Variants in ATG7 observed in about 807,000 individuals in gnomAD.
ATG7 encodes the protein ubiquitin-like modifier-activating enzyme ATG7.
In ATG7, 70 loss-of-function variants were observed where a neutral mutation model predicts 82.4. That is an observed-to-expected ratio of 0.85 (90% CI 0.70 to 1.04). ATG7 has a LOEUF of 1.04. ATG7 is among the 50% of genes least tolerant of loss of function. ATG7 has a pLI of 0.00. For missense variants in ATG7, 792 were observed against 864.3 expected, an observed-to-expected ratio of 0.92 and a Z score of 1.05; for synonymous variants, 287 against 313.0, an observed-to-expected ratio of 0.92 and a Z score of 0.88.
chr3:11,475,559 C>T lies in ATG7; in HGVS notation c.2079+48633C>T, dbSNP rs532000214. ...ATGTAAACTGCTGGGAAAAGGGCTG[C>T]GGGGGAGGCTTAGATAAAACAGACG... On this transcript the variant is annotated intron_variant, in intron 20 of 20. Transcript: ENST00000693202. Among the ~76,000 whole-genome samples the T allele has an allele frequency of 3.9e-5, 6 of 152,176 alleles. No individual in the cohort carries two copies. In the East Asian group the frequency reaches 9.7e-4, roughly 24 times the overall value.
At chr3:11,289,433 C>T (rs948557217) in intron 3 of ATG7, among the ~76,000 whole-genome samples, 1 of 152,192 alleles carries the variant, frequency 6.6e-6, no homozygotes, top group African/African-American at 2.4e-5. Flanking sequence ...CAGAAGATTC[C>T]TCATCATGCT....
rs533237854 is a variant in ATG7, at chr3:11,345,266, G to A, written c.1126-2611G>A. Among the ~76,000 whole-genome samples the A allele has an allele frequency of 1.9e-4, 29 of 152,198 alleles. No homozygotes were observed. In the South Asian group the frequency reaches 5.8e-3, roughly 31 times the overall value. ...CTAAAAATACAAAAAAAAATTAGCC[G>A]GGCATGGTGGCAGGCGCCTGTGGTC... is the stretch of plus-strand genomic sequence containing the variant. On this transcript the variant is annotated intron_variant, in intron 13 of 20. Transcript: ENST00000693202.
At chr3:11,473,523 ACCCTG>A (rs1189667703) in intron 20 of ATG7, among the ~76,000 whole-genome samples, 1 of 152,182 alleles carries the variant, frequency 6.6e-6, no homozygotes, top group Admixed American at 6.6e-5. Context: ...GAGTCTACTA[ACCCTG>A]AAAGGCCGTT....
chr3:11,376,857 G>A (rs1193686797), intron 18 of ATG7, among the ~76,000 whole-genome samples: 1 of 152,158 alleles, frequency 6.6e-6, no homozygotes, highest in Non-Finnish European at 1.5e-5. Flanking sequence ...TCCTGCCTCA[G>A]CCTCCCGAGT....
chr3:11,492,171 G>C (rs1202422351), intron 20 of ATG7, among the ~76,000 whole-genome samples: 1 of 152,196 alleles, frequency 6.6e-6, no homozygotes, highest in South Asian at 2.1e-4. Context: ...CTGGTGCGCC[G>C]TTTTTAAAGC....
chr3:11,311,327 G>A (rs1948629180), intron 7 of ATG7, among the ~76,000 whole-genome samples: 1 of 152,052 alleles, frequency 6.6e-6, no homozygotes. Context: ...GGTCCGGCCG[G>A]GTGCAGTGGT....
chr3:11,572,272 TA>T, the ATG7 span, among the ~76,000 whole-genome samples: 3 of 152,296 alleles, frequency 2.0e-5, no homozygotes, highest in Middle Eastern at 6.8e-3. Flanking sequence ...TACAAATAAG[TA>T]AACTGAGCTT....
intron 14 of ATG7, among the ~76,000 whole-genome samples, chr3:11,349,035 A>T (rs1470049694): frequency 6.6e-6 from 1 of 151,988 alleles, no homozygotes; most frequent in Non-Finnish European, 1.5e-5. Context: ...CTAGACACAG[A>T]GCGCTGATTG....
At chr3:11,280,740 C>A (rs527986377) in intron 1 of ATG7, among the ~76,000 whole-genome samples, 1 of 152,116 alleles carries the variant, frequency 6.6e-6, no homozygotes, top group South Asian at 2.1e-4. Context: ...AATAAGAATA[C>A]TTTATTGAAT....
At chr3:11,452,457 C>T (rs2085291526) in intron 20 of ATG7, among the ~76,000 whole-genome samples, 1 of 140,180 alleles carries the variant, frequency 7.1e-6, no homozygotes. Flanking sequence ...CAGCTGTGAA[C>T]ATATTAAAAG....
At chr3:11,411,975 T>TC (rs1371896735) in intron 19 of ATG7, among the ~76,000 whole-genome samples, 6 of 100,718 alleles carry the variant, frequency 6.0e-5, no homozygotes, top group African/African-American at 9.4e-5. Context: ...CAAAAGACTG[T>TC]CCTTTTTTTT....
chr3:11,273,992 C>T (rs894164208), intron 1 of ATG7, among the ~76,000 whole-genome samples: 1 of 152,164 alleles, frequency 6.6e-6, no homozygotes, highest in African/African-American at 2.4e-5. Context: ...CAACGCTGCT[C>T]CAGTCTTGTT....
Position 11,450,832 on chromosome 3 carries a change from G to C in ATG7, c.2079+23906G>C, listed in dbSNP as rs536820774. ...TCTGATACCACTCCCTTGTCACTTT[G>C]CCTGAAATGAGAAACTCCCAACCTC... On this transcript the variant is annotated intron_variant, in intron 20 of 20. Transcript: ENST00000693202. Among the ~76,000 whole-genome samples, 9 of 152,274 alleles carry C rather than the reference G, an allele frequency of 5.9e-5. No homozygotes were observed. In the East Asian group the frequency reaches 1.7e-3, roughly 29 times the overall value.
intron 20 of ATG7, among the ~76,000 whole-genome samples, chr3:11,459,213 G>A (rs544128628): frequency 3.6e-4 from 55 of 151,102 alleles, no homozygotes; most frequent in African/African-American, 1.3e-3. Flanking sequence ...AGTCATTATG[G>A]TGAAATGTCA....
intron 12 of ATG7, among the ~76,000 whole-genome samples, chr3:11,341,713 G>A (rs895632933): frequency 2.6e-5 from 4 of 152,190 alleles, no homozygotes; most frequent in Non-Finnish European, 5.9e-5. Flanking sequence ...CTCCCAAAGC[G>A]CTAGGATTAC....
At chr3:11,313,251 C>A in intron 7 of ATG7, 53 bp from the exon 8 acceptor site, 1 of 1,211,012 alleles carries the variant, frequency 8.3e-7, no homozygotes, top group Non-Finnish European at 1.2e-6. Flanking sequence ...AGATGCATTT[C>A]ACCTTAAGTT....
intron 20 of ATG7, among the ~76,000 whole-genome samples, chr3:11,436,266 CTG>C (rs572258671): frequency 4.2e-4 from 64 of 152,318 alleles, no homozygotes; most frequent in African/African-American, 1.5e-3. Context: ...ATTGAAACTA[CTG>C]TGAGATGGCA....
chr3:11,358,223 G>C lies in ATG7; in HGVS notation c.1285-195G>C, dbSNP rs374027192. Among the ~76,000 whole-genome samples, 170 of 152,108 alleles carry C rather than the reference G, an allele frequency of 1.1e-3. 1 individual carries two copies. The highest frequency in any genetic ancestry group is 3.8e-3 in the African/African-American group (159 of 41,512). The stretch of plus-strand genomic sequence containing the variant: ...TGCCCTGCCCTGCCTCAGGGCCCTG[G>C]GGTGATAGGTCAAGGTGTTCTAGGA... On this transcript the variant is annotated intron_variant, in intron 14 of 20. Transcript: ENST00000693202.
At chr3:11,278,490 A>G (rs1006409181) in intron 1 of ATG7, among the ~76,000 whole-genome samples, 3 of 152,292 alleles carry the variant, frequency 2.0e-5, no homozygotes, top group Admixed American at 2.0e-4. Flanking sequence ...ACTCATTTGT[A>G]TTTTCTCAAA....
Sources: allele counts gnomAD v4.1 joint callset (sites outside exome capture counted in the v4.1 genomes callset), GRCh38; gene constraint gnomAD v4.1.1; transcripts MANE v1.5; gene names NCBI Gene and HGNC (gene_info 2026-07-23, HGNC 2026-07-21).